SHPK: variants seen among roughly 807,000 people sequenced by gnomAD.
SHPK encodes the protein carbohydrate kinase-like protein.
Under a neutral mutation model 46.3 loss-of-function variants are expected in SHPK, and 51 were observed. That is an observed-to-expected ratio of 1.10 (90% confidence interval 0.88 to 1.39). The LOEUF is 1.39. Ranked by LOEUF, SHPK falls within the 40% of genes most tolerant of loss-of-function variation. The pLI is 0.00. For missense variants in SHPK, 668 were observed against 641.3 expected, an observed-to-expected ratio of 1.04 and a Z score of -0.45; for synonymous variants, 290 against 273.9, an observed-to-expected ratio of 1.06 and a Z score of -0.58.
At chr17:3,619,475 C>G in intron 5 of SHPK, 1 of 1,029,468 alleles carries the variant, frequency 9.7e-7, no homozygotes, top group East Asian at 2.6e-5. Context: ...TGGCTCACAC[C>G]TGTAATCCCA....
chr17:3,622,458 G>T, intron 4 of SHPK: 2 of 389,922 alleles, frequency 5.1e-6, no homozygotes, highest in African/African-American at 2.2e-5. Flanking sequence ...AATGCAGCAG[G>T]CTCCTGAATA....
chr17:3,619,881 G>A (rs759009543), intron 5 of SHPK: 7 of 272,936 alleles, frequency 2.6e-5, no homozygotes, highest in Non-Finnish European at 5.2e-5. Context: ...ACATGGCCAC[G>A]AGCCCTGGGC....
At chr17:3,621,214 G>T in intron 5 of SHPK, 23 bp downstream of exon 5, 2 of 1,573,770 alleles carry the variant, frequency 1.3e-6, no homozygotes, top group East Asian at 2.3e-5. Flanking sequence ...TAAGTCTGAG[G>T]ACAGAACAAA....
At chr17:3,623,684 G>A (rs983634419) in intron 3 of SHPK, among the ~76,000 whole-genome samples, 193 bp from the exon 4 acceptor site, 1 of 152,186 alleles carries the variant, frequency 6.6e-6, no homozygotes, top group African/African-American at 2.4e-5. Flanking sequence ...GCCAGCCTAA[G>A]TCAGCCCCAG....
At position 3,610,981 on chromosome 17, in the gene SHPK, G is replaced by A. The variant is rs779267598; in HGVS notation, c.1025-9C>T. ...TTCTTCAACCTCCAGGCCTGCCAGA[G>A]ACAGAGAAGATCTGTGTAAGCTCAT... is the stretch of plus-strand genomic sequence containing the variant. On this transcript the variant is annotated splice_polypyrimidine_tract_variant and intron_variant, in intron 6 of 6. Transcript: ENST00000225519. The A allele has an allele frequency of 1.3e-6, 2 of 1,596,470 alleles. No homozygotes were observed. The highest frequency in any genetic ancestry group is 8.6e-7 in the Non-Finnish European group (1 of 1,168,626).
In SHPK at chr17:3,610,882, ACT is replaced by A; in HGVS notation, c.1113_1114del (p.Val372AlafsTer66). ...GTCCGGCAGGTGCCTCTCCCCCAGC[ACT>A]GTCGGGGTGATGGTCAGGTGGGTAT... On this transcript the variant is annotated frameshift_variant, in exon 7 of 7. Coordinates refer to ENST00000225519, the MANE Select transcript of SHPK (RefSeq NM_013276.4). LOFTEE classifies it high-confidence loss of function. The A allele has an allele frequency of 1.2e-6, 2 of 1,613,918 alleles. No individual in the cohort carries two copies. Among genetic ancestry groups the A allele is most frequent in the East Asian group, 4.5e-5 (2 of 44,872 alleles).
At chr17:3,635,262 G>C (rs925914468) in intron 1 of SHPK, among the ~76,000 whole-genome samples, 1 of 137,484 alleles carries the variant, frequency 7.3e-6, no homozygotes, top group Non-Finnish European at 1.6e-5. Flanking sequence ...AAGGGAAGGA[G>C]TCTCGCTCTG....
At chr17:3,615,058 G>A (rs1230286468) in intron 6 of SHPK, among the ~76,000 whole-genome samples, 5 of 152,074 alleles carry the variant, frequency 3.3e-5, no homozygotes, top group South Asian at 2.1e-4. Flanking sequence ...CAGGGAGGGC[G>A]GGGGAAAGCT....
chr17:3,613,812 G>A (rs1377432610), intron 6 of SHPK, among the ~76,000 whole-genome samples: 2 of 151,746 alleles, frequency 1.3e-5, no homozygotes, highest in African/African-American at 4.8e-5. Context: ...CTCCCGCCTC[G>A]GCCTCCTGAG....
At chr17:3,626,459 T>C (rs1363193729) in intron 2 of SHPK, among the ~76,000 whole-genome samples, 2 of 152,192 alleles carry the variant, frequency 1.3e-5, no homozygotes, top group South Asian at 2.1e-4. Flanking sequence ...CTCACACCTG[T>C]AATCCCAGCA....
At chr17:3,626,721 C>CAA (rs59861502) in intron 2 of SHPK, among the ~76,000 whole-genome samples, 4 of 106,878 alleles carry the variant, frequency 3.7e-5, no homozygotes, top group Admixed American at 3.2e-4. Flanking sequence ...GACTCCATCT[C>CAA]AAAAAAAAAA....
At chr17:3,634,210 T>C (rs918169316) in intron 1 of SHPK, among the ~76,000 whole-genome samples, 8 of 148,138 alleles carry the variant, frequency 5.4e-5, no homozygotes, top group Admixed American at 3.4e-4. Context: ...CCTCCACTAT[T>C]GTCCTATGAC....
At chr17:3,621,664 T>C (rs1162118012) in intron 4 of SHPK, among the ~76,000 whole-genome samples, 8 of 149,412 alleles carry the variant, frequency 5.4e-5, no homozygotes, top group African/African-American at 2.0e-4. Flanking sequence ...TACTTATTTA[T>C]TTTTTTGAGA....
intron 5 of SHPK, chr17:3,619,258 CAGA>C (rs1297595145): frequency 5.6e-6 from 4 of 716,226 alleles, no homozygotes; most frequent in South Asian, 3.0e-5. Context: ...AGAAATCACA[CAGA>C]AGAAGCTGCT....
Position 3,610,885 on chromosome 17 carries a change from G to C in SHPK, c.1112C>G (p.Thr371Arg), listed in dbSNP as rs2075335417. The C allele has an allele frequency of 6.2e-7, 1 of 1,614,004 alleles. No individual in the cohort carries two copies. The highest frequency in any genetic ancestry group is 8.5e-7 in the Non-Finnish European group (1 of 1,179,974). Residue 371 changes from threonine (T) to arginine (R), a missense_variant, in exon 7 of 7, where the codon ACA (threonine) becomes AGA (arginine). Thr to Arg is a moderately conservative substitution (Grantham distance 71). Coordinates refer to ENST00000225519, the MANE Select transcript of SHPK (RefSeq NM_013276.4). ...CGGCAGGTGCCTCTCCCCCAGCACT[G>C]TCGGGGTGATGGTCAGGTGGGTATC... ...QRDTHLTITPTVLGERHLPDQ... is the reference protein window; with the variant it reads ...QRDTHLTITPRVLGERHLPDQ...
Position 3,610,812 on chromosome 17 carries a change from C to T in SHPK, c.1185G>A (p.Leu395=). ...GGCACAGAGCCCGGGTCACGTGCCCCAGGGAGAGGTCGGAGGAGGAGATTC... is the reference window on the plus strand; with the variant it reads ...GGCACAGAGCCCGGGTCACGTGCCCTAGGGAGAGGTCGGAGGAGGAGATTC... ...VTRISSSDLS[L]GHVTRALCRG... The change falls in exon 7 of 7, where the codon CTG becomes CTA. Residue 395 remains leucine (L), a synonymous_variant. Coordinates refer to ENST00000225519, the MANE Select transcript of SHPK (RefSeq NM_013276.4). 6.2e-7 allele frequency: 1 copy of T among 1,614,170 alleles called. No individual in the cohort carries two copies. Among genetic ancestry groups the T allele is most frequent in the Non-Finnish European group, 8.5e-7 (1 of 1,180,030 alleles).
chr17:3,624,139 C>T lies in SHPK; in HGVS notation c.403G>A (p.Glu135Lys), dbSNP rs769295443. 8 of 1,614,178 alleles carry T rather than the reference C, an allele frequency of 5.0e-6. No individual in the cohort carries two copies. The highest frequency in any genetic ancestry group is 1.1e-5 in the South Asian group (1 of 91,088). Residue 135 changes from glutamate (E) to lysine (K), a missense_variant, in exon 3 of 7, where the codon GAA (glutamate) becomes AAA (lysine). Coordinates refer to ENST00000225519, the MANE Select transcript of SHPK (RefSeq NM_013276.4). ...GGCTGGGGCAGAGAGGCCAGGAATT[C>T]GCTGCTACATCGGCCATCCTGCCAC... ...VTWQDGRCSS[E>K]FLASLPQPKS...
At chr17:3,627,457 T>C (rs777065153) in intron 2 of SHPK, among the ~76,000 whole-genome samples, 1 of 152,022 alleles carries the variant, frequency 6.6e-6, no homozygotes, top group African/African-American at 2.4e-5. Flanking sequence ...CATTCCTTCA[T>C]TTCTATCTCT....
chr17:3,619,059 T>C (rs1289056489), intron 5 of SHPK, among the ~76,000 whole-genome samples: 1 of 151,934 alleles, frequency 6.6e-6, no homozygotes, highest in Non-Finnish European at 1.5e-5. Flanking sequence ...AGTTTAATCA[T>C]TTTGTATATA....
Sources: allele counts gnomAD v4.1 joint callset (sites outside exome capture counted in the v4.1 genomes callset), GRCh38; gene constraint gnomAD v4.1.1; transcripts MANE v1.5; gene names NCBI Gene and HGNC (gene_info 2026-07-23, HGNC 2026-07-21).